CDH18: variants seen among roughly 807,000 people sequenced by gnomAD.
CDH18 encodes the protein cadherin 18, also known as cadherin-18.
CDH18 carries 31 observed loss-of-function variants against 67.9 expected under a neutral mutation model. The ratio of observed to expected loss-of-function variants is 0.46; its 90% CI spans 0.34 to 0.62. The LOEUF is 0.62. Among genes scored for constraint, CDH18 ranks in the 20% least tolerant of loss-of-function variants. The probability of loss-of-function intolerance (pLI) is 0.01; values close to 1 mark genes in which losing one functional copy is unlikely to be tolerated. For missense variants in CDH18, 890 were observed against 975.5 expected (o/e 0.91, Z 1.17); for synonymous variants, 362 against 347.2 (o/e 1.04, Z -0.48).
At chr5:19,765,053 A>G (rs892030835) in intron 3 of CDH18, among the ~76,000 whole-genome samples, 1 of 152,108 alleles carries the variant, frequency 6.6e-6, no homozygotes, top group African/African-American at 2.4e-5. Context: ...ACCATCTCTC[A>G]TGTCTCCCAC....
intron 1 of CDH18, among the ~76,000 whole-genome samples, chr5:20,284,829 A>G (rs10941686): frequency 0.33 from 49,658 of 151,616 alleles, 8,338 homozygotes; most frequent in Non-Finnish European, 0.37. Flanking sequence ...ATCAAGTTGT[A>G]TTTGGGACCA....
chr5:20,145,038 C>T (rs1335778776), intron 2 of CDH18, among the ~76,000 whole-genome samples: 4 of 152,120 alleles, frequency 2.6e-5, no homozygotes, highest in African/African-American at 9.7e-5. Flanking sequence ...TCCAGAACTG[C>T]AAGACAACAC....
At chr5:20,056,325 G>A (rs1324110107) in intron 2 of CDH18, among the ~76,000 whole-genome samples, 3 of 137,740 alleles carry the variant, frequency 2.2e-5, no homozygotes, top group African/African-American at 5.3e-5. Context: ...ATTTCTGTAT[G>A]TTCCACATTT....
At chr5:19,611,470 A>T (rs1748951584) in intron 6 of CDH18, among the ~76,000 whole-genome samples, 1 of 152,166 alleles carries the variant, frequency 6.6e-6, no homozygotes, top group South Asian at 2.1e-4. Flanking sequence ...TAGTTGAAGT[A>T]AGGACGTACA....
chr5:19,980,182 A>G (rs373397120), intron 2 of CDH18, among the ~76,000 whole-genome samples: 7 of 151,742 alleles, frequency 4.6e-5, no homozygotes, highest in South Asian at 4.2e-4. Context: ...AGAGAATCAA[A>G]TCAAGAACTC....
At chr5:20,572,817 G>A (rs546553445) in intron 1 of CDH18, among the ~76,000 whole-genome samples, 18 of 152,252 alleles carry the variant, frequency 1.2e-4, no homozygotes, top group African/African-American at 4.3e-4. Flanking sequence ...TACTATGGAA[G>A]CAAATGGAGA....
intron 3 of CDH18, among the ~76,000 whole-genome samples, chr5:19,809,116 C>T (rs1270475272): frequency 6.6e-6 from 1 of 152,042 alleles, no homozygotes; most frequent in Non-Finnish European, 1.5e-5. Context: ...CTGATCTAGG[C>T]ATTTCTCTTA....
At chr5:19,498,654 A>T (rs1032746054) in intron 11 of CDH18, among the ~76,000 whole-genome samples, 1 of 152,196 alleles carries the variant, frequency 6.6e-6, no homozygotes, top group Non-Finnish European at 1.5e-5. Context: ...TCACAGCCTA[A>T]GAAATCAAGC....
chr5:20,141,455 A>G (rs1750236698), intron 2 of CDH18, among the ~76,000 whole-genome samples: 1 of 152,208 alleles, frequency 6.6e-6, no homozygotes, highest in Admixed American at 6.5e-5. Flanking sequence ...TCGTGATGGC[A>G]TAAAAGTTAT....
intron 5 of CDH18, among the ~76,000 whole-genome samples, chr5:19,715,370 C>T (rs955116366): frequency 2.0e-5 from 3 of 152,098 alleles, no homozygotes; most frequent in African/African-American, 7.2e-5. Context: ...AATTCTGTTA[C>T]AATATGTTGA....
Position 19,655,424 on chromosome 5 carries a change from G to A in CDH18, c.644-42823C>T, listed in dbSNP as rs528414652. On this transcript the variant is annotated intron_variant, in intron 5 of 12. Coordinates refer to ENST00000382275, the MANE Select transcript of CDH18 (RefSeq NM_004934.5). ...AGTGAATATATATATATTCACTAAT[G>A]TATCAGTAATATATATATATTTAAA... Among the ~76,000 whole-genome samples, 9 of 151,432 alleles carry A rather than the reference G, an allele frequency of 5.9e-5. No individual in the cohort carries two copies. The South Asian group carries it at 1.9e-3, about 32-fold the overall frequency.
intron 2 of CDH18, among the ~76,000 whole-genome samples, chr5:20,080,740 A>AG (rs1423390607): frequency 6.6e-6 from 1 of 151,864 alleles, no homozygotes; most frequent in East Asian, 1.9e-4. Flanking sequence ...AGAGAGGAGG[A>AG]GGGGGAAATA....
intron 2 of CDH18, among the ~76,000 whole-genome samples, chr5:20,071,200 G>A (rs1743450578): frequency 6.6e-6 from 1 of 151,998 alleles, no homozygotes; most frequent in Non-Finnish European, 1.5e-5. Context: ...ATATCTTTAT[G>A]TTTTGTGCAT....
At chr5:19,819,902 T>G (rs2149939369) in intron 3 of CDH18, among the ~76,000 whole-genome samples, 1 of 152,178 alleles carries the variant, frequency 6.6e-6, no homozygotes, top group East Asian at 1.9e-4. Flanking sequence ...GCCACTCCCA[T>G]AAGAGGAGGC....
At chr5:20,476,709 G>C (rs539297864) in intron 1 of CDH18, among the ~76,000 whole-genome samples, 1 of 152,190 alleles carries the variant, frequency 6.6e-6, no homozygotes, top group South Asian at 2.1e-4. Context: ...AAATTATAAA[G>C]TTCTCCAACT....
intron 2 of CDH18, among the ~76,000 whole-genome samples, chr5:20,062,079 G>A (rs1466943076): frequency 2.0e-5 from 3 of 150,942 alleles, no homozygotes. Context: ...GGCCTGGAGG[G>A]GCTCAGTAAA....
intron 3 of CDH18, among the ~76,000 whole-genome samples, chr5:19,788,619 A>G (rs562438426): frequency 1.2e-4 from 18 of 152,288 alleles, no homozygotes; most frequent in African/African-American, 4.3e-4. Flanking sequence ...GCTTCTTACC[A>G]GATTACATAT....
chr5:19,761,942 T>C (rs551071929), intron 3 of CDH18, among the ~76,000 whole-genome samples: 41 of 151,962 alleles, frequency 2.7e-4, no homozygotes, highest in Non-Finnish European at 5.7e-4. Flanking sequence ...ATACCACACA[T>C]CTACAACCAT....
At chr5:19,950,381 G>GATTC (rs1422286469) in intron 2 of CDH18, among the ~76,000 whole-genome samples, 1 of 152,044 alleles carries the variant, frequency 6.6e-6, no homozygotes, top group Non-Finnish European at 1.5e-5. Flanking sequence ...GAAAAGGTGG[G>GATTC]AGTGGGTTGA....
Sources: allele counts gnomAD v4.1 joint callset (sites outside exome capture counted in the v4.1 genomes callset), GRCh38; gene constraint gnomAD v4.1.1; transcripts MANE v1.5; gene names NCBI Gene and HGNC (gene_info 2026-07-23, HGNC 2026-07-21).